Variants in ST3GAL3 observed in about 807,000 individuals in gnomAD.
The protein encoded by ST3GAL3 is CMP-N-acetylneuraminate-beta-1,4-galactoside alpha-2,3-sialyltransferase.
In ST3GAL3, 21 loss-of-function variants were observed where a neutral mutation model predicts 50.1. That is an observed-to-expected ratio of 0.42 (90% CI 0.30 to 0.60). The LOEUF is 0.60. ST3GAL3 is among the 20% of genes least tolerant of loss of function. ST3GAL3 has a pLI of 0.19. For synonymous variants in ST3GAL3, 183 were observed against 190.0 expected (o/e 0.96, Z 0.30); for missense variants, 353 against 489.4 (o/e 0.72, Z 2.63).
rs147718177 is a variant in ST3GAL3 at position 43,790,781 on chromosome 1, G to A, written c.119-1321G>A. ...CAAGTAGCCAGGACTACAGGCACGC[G>A]TACCACGCCCAGCTAATTTTTTTTT... is the stretch of plus-strand genomic sequence containing the variant. On this transcript the variant is annotated intron_variant, in intron 2 of 11. Coordinates refer to ENST00000347631, the MANE Select transcript of ST3GAL3 (RefSeq NM_006279.5). Among the ~76,000 whole-genome samples, 302 of 151,550 alleles carry A rather than the reference G, an allele frequency of 2.0e-3. 1 individual carries two copies. The highest frequency in any genetic ancestry group is 6.9e-3 in the African/African-American group (285 of 41,314).
At chr1:43,904,867 C>A (rs1571093948) in intron 9 of ST3GAL3, among the ~76,000 whole-genome samples, 1 of 150,280 alleles carries the variant, frequency 6.7e-6, no homozygotes, top group Non-Finnish European at 1.5e-5. Context: ...TCCTCCTCCT[C>A]CTCCTGCTCC....
intron 5 of ST3GAL3, among the ~76,000 whole-genome samples, chr1:43,878,226 C>T (rs1238863064): frequency 6.6e-6 from 1 of 152,196 alleles, no homozygotes; most frequent in Admixed American, 6.5e-5. Flanking sequence ...CCACCTCTCT[C>T]CTCTAAGGAT....
At chr1:43,731,107 A>G (rs545713899) in intron 1 of ST3GAL3, among the ~76,000 whole-genome samples, 20 of 151,954 alleles carry the variant, frequency 1.3e-4, no homozygotes, top group Non-Finnish European at 2.2e-4. Flanking sequence ...ACCTTGGCTT[A>G]CTGCAACCTC....
At chr1:43,778,860 G>C (rs1169796701) in intron 2 of ST3GAL3, among the ~76,000 whole-genome samples, 3 of 151,890 alleles carry the variant, frequency 2.0e-5, no homozygotes, top group Non-Finnish European at 4.4e-5. Context: ...TGTTAGCCAG[G>C]ATGGTCTCGA....
intron 2 of ST3GAL3, among the ~76,000 whole-genome samples, chr1:43,751,706 A>G (rs1050255694): frequency 6.6e-6 from 1 of 152,238 alleles, no homozygotes; most frequent in Non-Finnish European, 1.5e-5. Context: ...CAGTTAGAGT[A>G]TTCCTGGCGT....
chr1:43,862,986 A>G (rs952276774), intron 5 of ST3GAL3, among the ~76,000 whole-genome samples: 2 of 152,140 alleles, frequency 1.3e-5, no homozygotes, highest in Non-Finnish European at 2.9e-5. Flanking sequence ...TTCCTTCAAA[A>G]CATTGAGTTT....
intron 3 of ST3GAL3, chr1:43,801,326 A>T: frequency 2.2e-6 from 1 of 456,334 alleles, no homozygotes; most frequent in South Asian, 1.5e-5. Flanking sequence ...CATTACAATG[A>T]AAAAAGGAAG....
chr1:43,855,753 T>G (rs1462763061), intron 5 of ST3GAL3, among the ~76,000 whole-genome samples: 1 of 152,052 alleles, frequency 6.6e-6, no homozygotes, highest in African/African-American at 2.4e-5. Context: ...TTTAAAATTT[T>G]TAAAAATATA....
Position 43,899,703 on chromosome 1 carries a change from A to G in ST3GAL3, c.720A>G (p.Lys240=). 2 of 1,614,108 alleles carry G rather than the reference A, an allele frequency of 1.2e-6. No individual in the cohort carries two copies. The highest frequency in any genetic ancestry group is 2.2e-5 in the South Asian group (2 of 91,084). ...AGTGGCAGGACTTTAAGTGGTTGAA[A>G]TACATCGTCTACAAGGAGAGAGTGG... ...GFKWQDFKWL[K]YIVYKERVSA... The change falls in exon 9 of 12, where the codon AAA becomes AAG. Residue 240 remains lysine, a synonymous_variant. Coordinates refer to ENST00000347631, the MANE Select transcript of ST3GAL3 (RefSeq NM_006279.5). This position sits in a 1 kb window ranked among gnomAD's most constrained non-coding sequence, Gnocchi z 5.4.
At chr1:43,753,438 G>A (rs1414508080) in intron 2 of ST3GAL3, among the ~76,000 whole-genome samples, 1 of 152,172 alleles carries the variant, frequency 6.6e-6, no homozygotes, top group Non-Finnish European at 1.5e-5. Flanking sequence ...ATTCCATGTC[G>A]TGTGTCACAA....
chr1:43,718,134 A>G (rs1252445535), intron 1 of ST3GAL3, among the ~76,000 whole-genome samples: 1 of 150,474 alleles, frequency 6.6e-6, no homozygotes, highest in Non-Finnish European at 1.5e-5. Context: ...TGGCCTCCCA[A>G]AGTGTTGGGA....
intron 2 of ST3GAL3, among the ~76,000 whole-genome samples, chr1:43,761,881 G>T (rs929505452): frequency 6.8e-6 from 1 of 147,984 alleles, no homozygotes; most frequent in African/African-American, 2.5e-5. Context: ...AACCCAGGAG[G>T]CGGAGCTTGC....
chr1:43,893,460 G>A (rs888440260), intron 5 of ST3GAL3, among the ~76,000 whole-genome samples: 3 of 152,194 alleles, frequency 2.0e-5, no homozygotes, highest in African/African-American at 4.8e-5. Flanking sequence ...GGGTGCTAGC[G>A]CCCATGTGAA....
intron 5 of ST3GAL3, among the ~76,000 whole-genome samples, chr1:43,849,076 T>G (rs1460960912): frequency 6.6e-6 from 1 of 152,184 alleles, no homozygotes; most frequent in Non-Finnish European, 1.5e-5. Context: ...TATTGGCAAA[T>G]TGCCCTTCAT....
chr1:43,766,484 A>G (rs1693025710), intron 2 of ST3GAL3, among the ~76,000 whole-genome samples: 1 of 152,174 alleles, frequency 6.6e-6, no homozygotes, highest in Non-Finnish European at 1.5e-5. Flanking sequence ...TGAAGCAGGG[A>G]CCTGGCGGTT....
intron 1 of ST3GAL3, among the ~76,000 whole-genome samples, chr1:43,712,196 T>G (rs1349050779): frequency 2.0e-5 from 3 of 152,166 alleles, no homozygotes; most frequent in Non-Finnish European, 4.4e-5. Context: ...GAGCACGTGG[T>G]TCACAGTAAG....
chr1:43,771,733 TGTG>T (rs1237034381), intron 2 of ST3GAL3, among the ~76,000 whole-genome samples: 1,727 of 26,606 alleles, frequency 0.065, 36 homozygotes, highest in African/African-American at 0.094. Context: ...AATAAAGTTG[TGTG>T]TGTGTGTGTG....
intron 2 of ST3GAL3, among the ~76,000 whole-genome samples, chr1:43,768,750 A>G (rs1023055898): frequency 6.6e-6 from 1 of 152,250 alleles, no homozygotes; most frequent in Non-Finnish European, 1.5e-5. Flanking sequence ...CAATGGAATC[A>G]ATAATCCAAA....
intron 5 of ST3GAL3, among the ~76,000 whole-genome samples, chr1:43,853,620 G>A (rs2067776897): frequency 6.6e-6 from 1 of 152,212 alleles, no homozygotes; most frequent in Admixed American, 6.5e-5. Context: ...AGCTAATGAG[G>A]TGCTGATGTA....
Sources: allele counts gnomAD v4.1 joint callset (sites outside exome capture counted in the v4.1 genomes callset), GRCh38; gene constraint gnomAD v4.1.1; non-coding constraint Gnocchi (gnomAD v3.1); transcripts MANE v1.5; gene names NCBI Gene and HGNC (gene_info 2026-07-23, HGNC 2026-07-21).